The following ITGAD variants were observed in gnomAD, a reference collection of about 807,000 sequenced individuals.
ITGAD encodes the protein integrin subunit alpha D, also known as integrin alpha-D.
A neutral mutation model predicts 139.0 loss-of-function variants in ITGAD; 105 were observed. The observed-to-expected ratio is 0.76, with a 90% CI of 0.65 to 0.89. ITGAD has a LOEUF of 0.89. Among genes scored for constraint, ITGAD ranks in the 40% least tolerant of loss-of-function variants. The probability of loss-of-function intolerance (pLI) is 0.00; values close to 1 mark genes in which losing one functional copy is unlikely to be tolerated. For missense variants in ITGAD, 1,384 were observed against 1,487.3 expected (o/e 0.93, Z 1.14); for synonymous variants, 569 against 598.3 (o/e 0.95, Z 0.71).
At chr16:31,412,567 G>A (rs1015938521) in intron 14 of ITGAD, among the ~76,000 whole-genome samples, 5 of 152,108 alleles carry the variant, frequency 3.3e-5, no homozygotes, top group South Asian at 2.1e-4. Flanking sequence ...TGGCTCATAC[G>A]TGGAGGAGTC....
Position 31,414,615 on chromosome 16 carries a change from T to G in ITGAD, c.2151+10T>G. Reference sequence around the variant, plus strand: ...GAAGCTGCTTTTGCCAGTGAGGACTTTGGGTTCTGGGAAGGGGGAGAGAGG... The same window carrying G: ...GAAGCTGCTTTTGCCAGTGAGGACTGTGGGTTCTGGGAAGGGGGAGAGAGG... On this transcript the variant is annotated intron_variant, in intron 17 of 29. Coordinates refer to ENST00000389202, the MANE Select transcript of ITGAD (RefSeq NM_005353.3). The G allele has an allele frequency of 1.2e-6, 2 of 1,613,784 alleles. No homozygotes were observed. The highest frequency in any genetic ancestry group is 1.7e-6 in the Non-Finnish European group (2 of 1,179,794).
chr16:31,397,776 C>T lies in ITGAD; in HGVS notation c.313-19C>T, dbSNP rs1181494977. 6.2e-7 allele frequency: 1 copy of T among 1,608,536 alleles called. No homozygotes were observed. The highest frequency in any genetic ancestry group is 1.3e-5 in the African/African-American group (1 of 74,838). On this transcript the variant is annotated intron_variant, in intron 4 of 29. Transcript: ENST00000389202. Reference sequence around the variant, plus strand: ...GAGGGGCTGCTAGGGACTCCTGGCTCACAGGCTTCTGCCTCCAGGCCTGTG... The same window carrying T: ...GAGGGGCTGCTAGGGACTCCTGGCTTACAGGCTTCTGCCTCCAGGCCTGTG...
In ITGAD at chr16:31,425,869, C is replaced by T. The variant is rs189013150; in HGVS notation, c.3373-146C>T. On this transcript the variant is annotated intron_variant, in intron 29 of 29. Coordinates refer to ENST00000389202, the MANE Select transcript of ITGAD (RefSeq NM_005353.3). ...CTAATTTTTGTATTTTTAGTAGAGA[C>T]GGGGTTTCACCATGTTGGCCAGGCT... The T allele has an allele frequency of 3.2e-3, 1,749 of 545,408 alleles. 33 individuals are homozygous for T. Among genetic ancestry groups the T allele is most frequent in the South Asian group, 0.027 (1,368 of 50,638 alleles). 33.8% of individuals were successfully genotyped at this position (545,408 alleles called of 1,614,324 possible).
intron 9 of ITGAD, 42 bp from the exon 10 acceptor site, chr16:31,408,383 T>C: frequency 6.5e-7 from 1 of 1,538,842 alleles, no homozygotes; most frequent in Non-Finnish European, 9.0e-7. Context: ...TCCTCATGGG[T>C]CTCATGGCTT....
At chr16:31,418,052 T>G (rs1329238332) in intron 20 of ITGAD, 23 bp from the exon 21 acceptor site, 2 of 1,603,076 alleles carry the variant, frequency 1.2e-6, no homozygotes, top group Non-Finnish European at 1.7e-6. Flanking sequence ...GGTAACTTCT[T>G]AAAATTCATT....
At chr16:31,409,776 G>T (rs1187375788) in intron 10 of ITGAD, among the ~76,000 whole-genome samples, 1 of 152,006 alleles carries the variant, frequency 6.6e-6, no homozygotes, top group East Asian at 1.9e-4. Flanking sequence ...GCCAGGCATG[G>T]TGGCACATGC....
chr16:31,395,202 C>T (rs995810297), intron 2 of ITGAD, among the ~76,000 whole-genome samples: 1 of 152,276 alleles, frequency 6.6e-6, no homozygotes, highest in Non-Finnish European at 1.5e-5. Flanking sequence ...CATCTGTAAT[C>T]CCAGCTACTT....
intron 2 of ITGAD, among the ~76,000 whole-genome samples, chr16:31,396,686 G>T (rs562656796): frequency 6.6e-6 from 1 of 152,170 alleles, no homozygotes; most frequent in Non-Finnish European, 1.5e-5. Flanking sequence ...CTTGCTTGGC[G>T]CATTAAAATA....
In ITGAD at chr16:31,408,982, A is replaced by C. The variant is rs1307990031; in HGVS notation, c.1083+484A>C. Among the ~76,000 whole-genome samples the C allele has an allele frequency of 3.3e-5, 5 of 152,160 alleles. No individual in the cohort carries two copies. In the East Asian group the frequency reaches 9.6e-4, roughly 29 times the overall value. ...GGTGGGATCAAAGATGTGGTTTGGAAGTGCGTGTGTGTTCAAAGGATCCAG... is the reference window on the plus strand; with the variant it reads ...GGTGGGATCAAAGATGTGGTTTGGACGTGCGTGTGTGTTCAAAGGATCCAG... On this transcript the variant is annotated intron_variant, in intron 10 of 29. Coordinates refer to ENST00000389202, the MANE Select transcript of ITGAD (RefSeq NM_005353.3).
intron 16 of ITGAD, 23 bp from the exon 17 acceptor site, chr16:31,414,428 T>C: frequency 6.2e-7 from 1 of 1,605,620 alleles, no homozygotes; most frequent in Middle Eastern, 1.7e-4. Flanking sequence ...CCTTTTCATT[T>C]TGCACTCTCC....
At chr16:31,397,291 AC>A in intron 2 of ITGAD, 67 bp from the exon 3 acceptor site, 1 of 1,036,626 alleles carries the variant, frequency 9.6e-7, no homozygotes, top group Admixed American at 2.1e-5. Context: ...ACACTTCCTC[AC>A]CCCCAAGTGC....
At chr16:31,394,130 CA>C (rs943198130) in intron 1 of ITGAD, 105 bp from the exon 2 acceptor site, 39,700 of 404,336 alleles carry the variant, frequency 0.098, 17 homozygotes, top group South Asian at 0.15. Flanking sequence ...GACTCCATCT[CA>C]AAAAAAAAAA....
chr16:31,410,833 G>C lies in ITGAD; in HGVS notation c.1311G>C (p.Gln437His). The C allele has an allele frequency of 6.2e-7, 1 of 1,613,956 alleles. No individual in the cohort carries two copies. The highest frequency in any genetic ancestry group is 8.5e-7 in the Non-Finnish European group (1 of 1,179,936). Residue 437 changes from glutamine to histidine, a missense_variant, in exon 12 of 30, where the codon CAG becomes CAC. By Grantham distance (24) the Gln-to-His change is conservative (BLOSUM62 0). Coordinates refer to ENST00000389202, the MANE Select transcript of ITGAD (RefSeq NM_005353.3). ...CCGGGAAGGCTGTCATCTTCACCCA[G>C]GTGTCCAGGCAATGGAGGAAGAAGG... Reference protein sequence around the residue: ...QHTGKAVIFTQVSRQWRKKAE... With the variant: ...QHTGKAVIFTHVSRQWRKKAE...
chr16:31,393,734 T>C (rs1050925356), intron 1 of ITGAD, among the ~76,000 whole-genome samples: 1 of 151,684 alleles, frequency 6.6e-6, no homozygotes, highest in South Asian at 2.1e-4. Context: ...GGGGGAAAGG[T>C]TGGACATCAC....
rs2081309332 is a variant in ITGAD, at chr16:31,397,822, T to C, written c.340T>C (p.Cys114Arg). Residue 114 changes from cysteine to arginine, a missense_variant, in exon 5 of 30, where the codon TGT becomes CGT. Coordinates refer to ENST00000389202, the MANE Select transcript of ITGAD (RefSeq NM_005353.3). ...LACGPTLHRV[C>R]GENSYSKGSC... Reference sequence around the variant, plus strand: ...CTGTGGCCCGACCCTGCACAGAGTCTGTGGGGAGAACTCATACTCAAAGGG... The same window carrying C: ...CTGTGGCCCGACCCTGCACAGAGTCCGTGGGGAGAACTCATACTCAAAGGG... 1 of 1,613,606 alleles carries C rather than the reference T, an allele frequency of 6.2e-7. No individual in the cohort carries two copies. The highest frequency in any genetic ancestry group is 1.3e-5 in the African/African-American group (1 of 75,036).
In ITGAD at chr16:31,397,440, G is replaced by T; in HGVS notation, c.219G>T (p.Met73Ile). The T allele has an allele frequency of 6.3e-7, 1 of 1,599,624 alleles. No homozygotes were observed. The highest frequency in any genetic ancestry group is 8.5e-7 in the Non-Finnish European group (1 of 1,173,378). The change falls in exon 3 of 30, where the codon ATG (methionine) becomes ATT (isoleucine). Residue 73 changes from methionine to isoleucine, a missense_variant. By Grantham distance (10) the Met-to-Ile change is conservative. Coordinates refer to ENST00000389202, the MANE Select transcript of ITGAD (RefSeq NM_005353.3). ...ATGACTGCGCAGCTGCCACCGGCAT[G>T]TGCCAGCCCATCCCGCTGCACAGTG... ...RLYDCAAATG[M>I]CQPIPLHIRP...
At chr16:31,398,776 G>T (rs2081335379) in intron 5 of ITGAD, among the ~76,000 whole-genome samples, 1 of 152,174 alleles carries the variant, frequency 6.6e-6, no homozygotes, top group African/African-American at 2.4e-5. Context: ...GAGTCCTTGT[G>T]CCTGGCCTGA....
intron 5 of ITGAD, among the ~76,000 whole-genome samples, chr16:31,401,064 G>A (rs2081392198): frequency 6.6e-6 from 1 of 152,086 alleles, no homozygotes; most frequent in African/African-American, 2.4e-5. Context: ...GTTGAGACCA[G>A]CCTGGGCAAC....
chr16:31,400,922 A>G (rs9927645), intron 5 of ITGAD, among the ~76,000 whole-genome samples: 10,699 of 152,094 alleles, frequency 0.07, 1,254 homozygotes, highest in African/African-American at 0.24. Context: ...ATTCTTGGGC[A>G]CCGCACCCAT....
Sources: gnomAD v4.1 joint callset for allele counts (sites outside exome capture counted in the v4.1 genomes callset) on GRCh38, gnomAD v4.1.1 for gene constraint, MANE v1.5 for transcripts, NCBI Gene and HGNC (gene_info 2026-07-23, HGNC 2026-07-21) for gene names.